The following NTNG2 variants were observed in gnomAD, a reference collection of about 807,000 sequenced individuals.
NTNG2 encodes netrin G2.
Under a neutral mutation model 47.6 loss-of-function variants are expected in NTNG2, and 15 were observed. The ratio of observed to expected loss-of-function variants is 0.32; its 90% CI spans 0.21 to 0.49. The LOEUF is 0.49. Among genes scored for constraint, NTNG2 ranks in the 20% least tolerant of loss-of-function variants. The pLI is 0.99. For missense variants in NTNG2, 578 were observed against 764.6 expected, an observed-to-expected ratio of 0.76 and a Z score of 2.88; for synonymous variants, 307 against 324.6, an observed-to-expected ratio of 0.95 and a Z score of 0.58.
In NTNG2 at chr9:132,242,094, G is replaced by A. The variant is rs976582864; in HGVS notation, c.1576G>A (p.Ala526Thr). 8 of 1,160,746 alleles carry A rather than the reference G, an allele frequency of 6.9e-6. No individual in the cohort carries two copies. In the African/African-American group the frequency reaches 1.1e-4, roughly 17 times the overall value. The allele number at this position is 1,160,746 out of a possible 1,614,324, so 71.9% of individuals were successfully genotyped here. A position where few individuals can be genotyped will look rare whatever the true frequency, so the allele number is the denominator to read the frequency against. ...LGCLLLLGLA[A>T]RLGR ...CTGCCTGCTGCTGCTGGGGCTGGCCGCCCGCCTGGGCCGCTGAGCCCCGCC... is the reference window on the plus strand; with the variant it reads ...CTGCCTGCTGCTGCTGGGGCTGGCCACCCGCCTGGGCCGCTGAGCCCCGCC... Residue 526 changes from alanine (A) to threonine (T), a missense_variant, in exon 8 of 8, where the codon GCC (alanine) becomes ACC (threonine). By Grantham distance (58) the Ala-to-Thr change is moderately conservative. Transcript: ENST00000393229. The surrounding 1 kb of genome is among the most constrained non-coding windows in gnomAD (Gnocchi z 5.9).
chr9:132,210,525 G>A (rs1044687364), intron 3 of NTNG2, among the ~76,000 whole-genome samples: 1 of 152,228 alleles, frequency 6.6e-6, no homozygotes, highest in Non-Finnish European at 1.5e-5. Context: ...AAGGTACTTT[G>A]GAGGAGAGTG....
At chr9:132,188,953 T>C (rs28529868) in intron 2 of NTNG2, among the ~76,000 whole-genome samples, 2,260 of 152,182 alleles carry the variant, frequency 0.015, 63 homozygotes, top group African/African-American at 0.051. Context: ...AAAGATCTTT[T>C]CCTCACCCAT....
rs750257291 is a variant in NTNG2, at chr9:132,198,568, C to T, written c.816C>T (p.Tyr272=). Residue 272 remains tyrosine (Y), a synonymous_variant, in exon 3 of 8, where the codon TAC becomes TAT. Coordinates refer to ENST00000393229, the MANE Select transcript of NTNG2 (RefSeq NM_032536.4). ...GGTYVQRENL[Y]KYFYAISNIE... ...CCTATGTGCAGCGGGAGAACCTCTA[C>T]AAGTACTTCTACGCCATCTCCAACA... is the stretch of plus-strand genomic sequence containing the variant. The T allele has an allele frequency of 1.2e-6, 2 of 1,612,836 alleles. No individual in the cohort carries two copies. Among genetic ancestry groups the T allele is most frequent in the Admixed American group, 3.3e-5 (2 of 60,016 alleles).
At chr9:132,234,863 C>T (rs533256341) in intron 5 of NTNG2, among the ~76,000 whole-genome samples, 36 of 152,376 alleles carry the variant, frequency 2.4e-4, no homozygotes, top group African/African-American at 6.7e-4. Flanking sequence ...GAAAGTCTTC[C>T]GCACTTGTTA....
Position 132,180,284 on chromosome 9 carries a change from C to A in NTNG2, c.213+13240C>A, listed in dbSNP as rs889126198. 6.6e-6 allele frequency among the ~76,000 whole-genome samples: 1 copy of A among 152,264 alleles called. No homozygotes were observed. Among genetic ancestry groups the A allele is most frequent in the Non-Finnish European group, 1.5e-5 (1 of 68,050 alleles). The stretch of plus-strand genomic sequence containing the variant: ...AAGAAGAGACCAATGAGAGATGAGC[C>A]CACGGTGCTCCTGCCCTCCACCAAG... On this transcript the variant is annotated intron_variant, in intron 2 of 7. Transcript: ENST00000393229. The surrounding 1 kb of genome is among the most constrained non-coding windows in gnomAD (Gnocchi z 4.2).
At chr9:132,189,708 C>A (rs1416903674) in intron 2 of NTNG2, among the ~76,000 whole-genome samples, 1 of 152,078 alleles carries the variant, frequency 6.6e-6, no homozygotes. Flanking sequence ...GGTGTGATCT[C>A]AGCTCACTGC....
chr9:132,206,558 T>G (rs1030881245), intron 3 of NTNG2, among the ~76,000 whole-genome samples: 5 of 152,148 alleles, frequency 3.3e-5, no homozygotes, highest in African/African-American at 1.2e-4. Flanking sequence ...TCCCAGCTAC[T>G]CGGGAGGCTG....
chr9:132,213,739 C>T (rs577424349), intron 3 of NTNG2, among the ~76,000 whole-genome samples: 3 of 152,310 alleles, frequency 2.0e-5, no homozygotes, highest in East Asian at 1.9e-4. Flanking sequence ...AAGATAAATG[C>T]GCTATCTGGC....
At chr9:132,189,458 A>G (rs1405874744) in intron 2 of NTNG2, among the ~76,000 whole-genome samples, 3 of 152,136 alleles carry the variant, frequency 2.0e-5, no homozygotes, top group Non-Finnish European at 4.4e-5. Flanking sequence ...GAATTTTGCA[A>G]GACCTGTGTG....
At chr9:132,227,503 C>T (rs890869773) in intron 4 of NTNG2, among the ~76,000 whole-genome samples, 2 of 152,198 alleles carry the variant, frequency 1.3e-5, no homozygotes, top group African/African-American at 4.8e-5. Context: ...GGATCAGTAG[C>T]ATCATCCCTG....
At chr9:132,185,839 TGGG>T (rs1837325485) in intron 2 of NTNG2, among the ~76,000 whole-genome samples, 1 of 32,318 alleles carries the variant, frequency 3.1e-5, no homozygotes, top group East Asian at 4.9e-4. Flanking sequence ...GGAGGAGGAG[TGGG>T]AGGAGGAGGA....
chr9:132,165,994 A>T (rs1024322513), intron 1 of NTNG2: 1 of 152,140 alleles, frequency 6.6e-6, no homozygotes, highest in Admixed American at 6.5e-5. Flanking sequence ...GTTGCTAATG[A>T]GCTCTCTCTC....
At chr9:132,228,921 C>G (rs962813428) in intron 4 of NTNG2, among the ~76,000 whole-genome samples, 3 of 152,112 alleles carry the variant, frequency 2.0e-5, no homozygotes, top group Non-Finnish European at 4.4e-5. Context: ...CTCTGGCCAC[C>G]TGAGACTCTT....
At chr9:132,222,469 C>T (rs981884625) in intron 3 of NTNG2, among the ~76,000 whole-genome samples, 5 of 151,982 alleles carry the variant, frequency 3.3e-5, no homozygotes. Context: ...GCTTGGTGTT[C>T]CAGTAAAACC....
In NTNG2 at chr9:132,236,166, CGGAGGGT is replaced by C. The variant is rs1841612025; in HGVS notation, c.1055-2934_1055-2928del. 6.6e-6 allele frequency among the ~76,000 whole-genome samples: 1 copy of C among 152,176 alleles called. No individual in the cohort carries two copies. The highest frequency in any genetic ancestry group is 1.5e-5 in the Non-Finnish European group (1 of 68,030). On this transcript the variant is annotated intron_variant, in intron 5 of 7. Transcript: ENST00000393229. This position sits in a 1 kb window ranked among gnomAD's most constrained non-coding sequence, Gnocchi z 4.3. ...TGCAGGAGCGGGGGCCATGAGACCT[CGGAGGGT>C]GGACTGTGGTGGGTGAAGGGAGAAG...
chr9:132,198,458 C>T lies in NTNG2; in HGVS notation c.706C>T (p.Arg236Trp), dbSNP rs753949417. The T allele has an allele frequency of 1.1e-5, 17 of 1,610,408 alleles. No homozygotes were observed. In the South Asian group the frequency reaches 1.2e-4, roughly 11 times the overall value. Residue 236 changes from arginine (R) to tryptophan (W), a missense_variant, in exon 3 of 8, where the codon CGG becomes TGG. Arg to Trp is a moderately radical substitution (Grantham distance 101). Coordinates refer to ENST00000393229, the MANE Select transcript of NTNG2 (RefSeq NM_032536.4). Reference sequence around the variant, plus strand: ...GCGCAACATGGACAACCTCTACACGCGGCTGGAGAGCGCCAAGGGCCTCAA... The same window carrying T: ...GCGCAACATGGACAACCTCTACACGTGGCTGGAGAGCGCCAAGGGCCTCAA... ...DLRNMDNLYTRLESAKGLKEF... is the reference protein window; with the variant it reads ...DLRNMDNLYTWLESAKGLKEF...
intron 2 of NTNG2, among the ~76,000 whole-genome samples, chr9:132,196,076 G>A (rs1415905826): frequency 6.6e-6 from 1 of 151,976 alleles, no homozygotes; most frequent in African/African-American, 2.4e-5. Context: ...AGTCATGTCT[G>A]ATGAACCATT....
At chr9:132,165,759 GC>G (rs1235159925) in intron 1 of NTNG2, among the ~76,000 whole-genome samples, 1 of 152,180 alleles carries the variant, frequency 6.6e-6, no homozygotes, top group African/African-American at 2.4e-5. Flanking sequence ...TGACCCCCAA[GC>G]CGGGGCACTT....
chr9:132,211,877 C>T (rs575941450), intron 3 of NTNG2, among the ~76,000 whole-genome samples: 2 of 152,358 alleles, frequency 1.3e-5, no homozygotes, highest in Admixed American at 1.3e-4. Flanking sequence ...TTAGCACCAG[C>T]ACCCAGAACC....
Sources: allele counts gnomAD v4.1 joint callset (sites outside exome capture counted in the v4.1 genomes callset), GRCh38; gene constraint gnomAD v4.1.1; non-coding constraint Gnocchi (gnomAD v3.1); transcripts MANE v1.5; gene names NCBI Gene and HGNC (gene_info 2026-07-23, HGNC 2026-07-21).